Variants in MERTK observed in about 807,000 individuals in gnomAD.
MERTK encodes the protein tyrosine-protein kinase Mer.
Under a neutral mutation model 99.3 loss-of-function variants are expected in MERTK, and 69 were observed. The observed-to-expected ratio is 0.70, with a 90% CI of 0.57 to 0.85. The LOEUF (loss-of-function observed/expected upper bound fraction) is 0.85. Ranked by LOEUF, MERTK falls within the 40% of genes least tolerant of loss-of-function variation. The probability of loss-of-function intolerance (pLI) is 0.00; values close to 1 mark genes in which losing one functional copy is unlikely to be tolerated. For missense variants in MERTK, 1,125 were observed against 1,249.4 expected (o/e 0.90, Z 1.50); for synonymous variants, 426 against 467.6 (o/e 0.91, Z 1.15).
intron 4 of MERTK, among the ~76,000 whole-genome samples, chr2:111,956,955 T>G (rs1685160138): frequency 6.8e-6 from 1 of 147,906 alleles, no homozygotes; most frequent in South Asian, 2.2e-4. Flanking sequence ...TTCTTTTTTT[T>G]TTTTTTATGT....
intron 2 of MERTK, chr2:111,940,865 C>T (rs879117785): frequency 1.3e-6 from 1 of 785,748 alleles, no homozygotes; most frequent in South Asian, 1.3e-5. Flanking sequence ...TGAAAGAACT[C>T]GGGCCAGTCA....
intron 1 of MERTK, among the ~76,000 whole-genome samples, chr2:111,899,757 C>G (rs1329128589): frequency 1.3e-5 from 2 of 152,138 alleles, no homozygotes; most frequent in African/African-American, 4.8e-5. Flanking sequence ...ACCTCGTGAT[C>G]TGCTCTCCTT....
chr2:111,931,906 C>G (rs1487643862), intron 2 of MERTK, among the ~76,000 whole-genome samples: 1 of 152,100 alleles, frequency 6.6e-6, no homozygotes, highest in Non-Finnish European at 1.5e-5. Context: ...TGACTGCCAG[C>G]TCTACTTCTG....
chr2:111,933,815 C>T (rs1446689596), intron 2 of MERTK, among the ~76,000 whole-genome samples: 1 of 152,020 alleles, frequency 6.6e-6, no homozygotes. Context: ...TGCTTTGCTA[C>T]ACCCATCAAC....
intron 4 of MERTK, among the ~76,000 whole-genome samples, chr2:111,953,716 C>G (rs1026414823): frequency 3.9e-5 from 6 of 152,344 alleles, no homozygotes; most frequent in Middle Eastern, 3.4e-3. Context: ...GCTGGGATTA[C>G]AGGCACCCAC....
chr2:112,011,074 G>A (rs1043605127), intron 15 of MERTK, among the ~76,000 whole-genome samples: 4 of 152,106 alleles, frequency 2.6e-5, no homozygotes, highest in Non-Finnish European at 4.4e-5. Flanking sequence ...TGGCATTCTC[G>A]GACACACCCC....
intron 15 of MERTK, among the ~76,000 whole-genome samples, chr2:112,014,781 G>A (rs1007145096): frequency 6.6e-6 from 1 of 151,850 alleles, no homozygotes; most frequent in African/African-American, 2.4e-5. Flanking sequence ...GACTACAGGC[G>A]CCTGCCACCA....
chr2:111,910,610 G>GTGTGTGTGTGTATATATATA (rs370882764), intron 1 of MERTK, among the ~76,000 whole-genome samples: 96 of 143,652 alleles, frequency 6.7e-4, no homozygotes, highest in African/African-American at 2.4e-3. Flanking sequence ...GTGTGTGTGT[G>GTGTGTGTGTGTATATATATA]TATATATATA....
intron 1 of MERTK, among the ~76,000 whole-genome samples, chr2:111,928,058 A>G (rs538241878): frequency 2.1e-4 from 32 of 152,218 alleles, no homozygotes; most frequent in African/African-American, 7.2e-4. Context: ...CATCTAAAAT[A>G]CTTGTGGACC....
intron 15 of MERTK, among the ~76,000 whole-genome samples, chr2:112,014,900 A>T (rs924056206): frequency 6.6e-6 from 1 of 152,110 alleles, no homozygotes; most frequent in Non-Finnish European, 1.5e-5. Context: ...TGGCCTCCCA[A>T]AATGCTGGGA....
At chr2:112,023,258 C>T (rs1462907079) in intron 18 of MERTK, among the ~76,000 whole-genome samples, 2 of 151,892 alleles carry the variant, frequency 1.3e-5, no homozygotes, top group African/African-American at 4.8e-5. Context: ...GCTAAAAATA[C>T]AAAAAATTAG....
chr2:111,954,231 C>A (rs1276035759), intron 4 of MERTK, among the ~76,000 whole-genome samples: 2 of 152,224 alleles, frequency 1.3e-5, no homozygotes, highest in African/African-American at 4.8e-5. Flanking sequence ...GCTTGTGAGA[C>A]CTGATGAACT....
intron 1 of MERTK, among the ~76,000 whole-genome samples, chr2:111,914,137 C>T (rs1230224818): frequency 4.6e-5 from 6 of 129,244 alleles, no homozygotes; most frequent in Non-Finnish European, 9.4e-5. Context: ...ATGGAGTCTC[C>T]TCTGTCACCC....
intron 4 of MERTK, among the ~76,000 whole-genome samples, chr2:111,960,889 G>A (rs977936365): frequency 2.6e-5 from 4 of 151,608 alleles, no homozygotes; most frequent in African/African-American, 9.7e-5. Context: ...AAATGTGTCA[G>A]AGTCCACGTA....
chr2:111,928,161 T>C (rs906738185), intron 1 of MERTK, among the ~76,000 whole-genome samples: 3 of 152,000 alleles, frequency 2.0e-5, no homozygotes, highest in East Asian at 1.9e-4. Context: ...AAGAACACTT[T>C]TTTTGTTGTT....
chr2:112,016,714 C>T (rs1486931678), intron 15 of MERTK, among the ~76,000 whole-genome samples: 1 of 152,220 alleles, frequency 6.6e-6, no homozygotes, highest in Non-Finnish European at 1.5e-5. Context: ...GCTGTAATAA[C>T]ATATGCATCA....
chr2:111,933,970 A>G (rs1166747771), intron 2 of MERTK, among the ~76,000 whole-genome samples: 1 of 149,908 alleles, frequency 6.7e-6, no homozygotes, highest in Non-Finnish European at 1.5e-5. Flanking sequence ...AGAATATGCA[A>G]TATTTGGTTT....
chr2:112,017,397 A>G (rs546845249), intron 15 of MERTK, among the ~76,000 whole-genome samples: 3 of 152,280 alleles, frequency 2.0e-5, no homozygotes, highest in South Asian at 4.1e-4. Flanking sequence ...CAACCCAGAA[A>G]GTCCAGCTGG....
intron 15 of MERTK, among the ~76,000 whole-genome samples, chr2:112,019,015 G>GAC (rs56346356): frequency 0.016 from 2,402 of 150,804 alleles, 70 homozygotes; most frequent in African/African-American, 0.052. Context: ...TTAGACCCCT[G>GAC]ACACACACAC....
Sources: allele counts gnomAD v4.1 joint callset (sites outside exome capture counted in the v4.1 genomes callset), GRCh38; gene constraint gnomAD v4.1.1; transcripts MANE v1.5; gene names NCBI Gene and HGNC (gene_info 2026-07-23, HGNC 2026-07-21).